MGST1: variants seen among roughly 807,000 people sequenced by gnomAD.
MGST1 encodes microsomal glutathione S-transferase 1.
In MGST1, 5 loss-of-function variants were observed where a neutral mutation model predicts 8.9. That is an observed-to-expected ratio of 0.56 (90% CI 0.29 to 1.19). The LOEUF (loss-of-function observed/expected upper bound fraction) is 1.19. Ranked by LOEUF, MGST1 falls within the 50% of genes most tolerant of loss-of-function variation. MGST1 has a pLI of 0.08. For synonymous variants in MGST1, 54 were observed against 67.8 expected (o/e 0.80, Z 1.00); for missense variants, 182 against 187.4 (o/e 0.97, Z 0.17).
downstream of MGST1, among the ~76,000 whole-genome samples, chr12:16,443,617 T>C (rs1941055856): frequency 6.6e-6 from 1 of 151,920 alleles, no homozygotes; most frequent in African/African-American, 2.4e-5. Flanking sequence ...CTAGTTGTAC[T>C]CCATTAAATA....
chr12:16,426,687 C>T (rs1940891865), intron 1 of MGST1, among the ~76,000 whole-genome samples: 1 of 152,178 alleles, frequency 6.6e-6, no homozygotes, highest in African/African-American at 2.4e-5. Flanking sequence ...GCGCGTGGCT[C>T]ACGCCTGTAA....
intron 4 of MGST1, among the ~76,000 whole-genome samples, chr12:16,572,339 C>CTTTTTTTTTTTTTTTT (rs59773866): frequency 2.2e-5 from 2 of 89,530 alleles, no homozygotes; most frequent in African/African-American, 4.2e-5. Context: ...GGTCCAAACT[C>CTTTTTTTTTTTTTTTT]TTTTTTTTTT....
chr12:16,352,625 A>G (rs556296492), intron 1 of MGST1, among the ~76,000 whole-genome samples: 15 of 152,346 alleles, frequency 9.8e-5, no homozygotes, highest in Non-Finnish European at 1.6e-4. Context: ...TTTTGACTTC[A>G]GTATCACCAG....
At position 16,363,930 on chromosome 12, in the gene MGST1, T is replaced by G; in HGVS notation, c.357T>G (p.Ile119Met). ...LFVGARIYHT[I>M]AYLTPLPQPN... ...TCGGAGCACGGATCTACCACACCAT[T>G]GCATATTTGACACCCCTTCCCCAGC... The change falls in exon 4 of 4, where the codon ATT (isoleucine) becomes ATG (methionine). Residue 119 changes from isoleucine (I) to methionine (M), a missense_variant. Physicochemically the swap from Ile to Met is conservative, Grantham distance 10 (BLOSUM62 1). Transcript: ENST00000396210. This position sits in a 1 kb window ranked among gnomAD's most constrained non-coding sequence, Gnocchi z 4.6. 1 of 1,613,982 alleles carries G rather than the reference T, an allele frequency of 6.2e-7. No individual in the cohort carries two copies. Among genetic ancestry groups the G allele is most frequent in the South Asian group, 1.1e-5 (1 of 91,070 alleles).
intron 4 of MGST1, among the ~76,000 whole-genome samples, chr12:16,570,472 GA>G (rs1456104425): frequency 6.6e-6 from 1 of 151,662 alleles, no homozygotes; most frequent in Non-Finnish European, 1.5e-5. Context: ...GAAAAATAAA[GA>G]AAATGAAAAG....
chr12:16,383,843 C>G (rs972230399), intron 1 of MGST1, among the ~76,000 whole-genome samples: 1 of 152,206 alleles, frequency 6.6e-6, no homozygotes, highest in Non-Finnish European at 1.5e-5. Flanking sequence ...CTGTGTGTGT[C>G]TGCACATGTA....
chr12:16,348,021 A>C (rs909052641), intron 1 of MGST1: 2 of 152,126 alleles, frequency 1.3e-5, no homozygotes, highest in African/African-American at 2.4e-5. Context: ...GGGTCCCTTG[A>C]ACTCTGGGGA....
intron 3 of MGST1, among the ~76,000 whole-genome samples, chr12:16,359,603 C>T (rs368907472): frequency 1.5e-4 from 23 of 151,230 alleles, no homozygotes; most frequent in Non-Finnish European, 2.2e-4. Flanking sequence ...ATGTGTTAGA[C>T]GAAAAAAAAT....
chr12:16,374,068 AT>A (rs1940341449), intron 3 of MGST1, among the ~76,000 whole-genome samples: 1 of 152,094 alleles, frequency 6.6e-6, no homozygotes, highest in African/African-American at 2.4e-5. Flanking sequence ...AGATATGCAG[AT>A]ATCATGATAC....
chr12:16,542,891 G>A (rs1941800873), intron 4 of MGST1, among the ~76,000 whole-genome samples: 1 of 152,172 alleles, frequency 6.6e-6, no homozygotes, highest in African/African-American at 2.4e-5. Context: ...TAGATTAGGG[G>A]TGGTCTCTAT....
At chr12:16,492,070 A>G (rs1437641508) in intron 4 of MGST1, among the ~76,000 whole-genome samples, 1 of 152,214 alleles carries the variant, frequency 6.6e-6, no homozygotes, top group Admixed American at 6.6e-5. Flanking sequence ...TATGAAAAGT[A>G]TAAATATGTA....
chr12:16,527,059 A>G (rs1191885167), intron 4 of MGST1, among the ~76,000 whole-genome samples: 1 of 152,008 alleles, frequency 6.6e-6, no homozygotes, highest in Non-Finnish European at 1.5e-5. Flanking sequence ...TCTAGGTTAC[A>G]GATGAGGGGA....
intron 4 of MGST1, among the ~76,000 whole-genome samples, chr12:16,533,807 C>T (rs1052481826): frequency 6.6e-6 from 1 of 151,990 alleles, no homozygotes; most frequent in East Asian, 1.9e-4. Context: ...GTGTATCTAA[C>T]TCGGGCTTGC....
intron 4 of MGST1, among the ~76,000 whole-genome samples, chr12:16,464,863 C>T (rs766021675): frequency 8.5e-5 from 13 of 152,166 alleles, no homozygotes; most frequent in Non-Finnish European, 1.6e-4. Flanking sequence ...ATACACATAA[C>T]GCCAGGGAAA....
At position 16,445,655 on chromosome 12, in the gene MGST1, C is replaced by T. The variant is rs533226084; in HGVS notation, n.482+62051C>T. ...AAGAATTCATTCGCTATATCAATGC[C>T]TGCATGCCAGGTACCTGAGGTCATT... On this transcript the variant is annotated intron_variant and non_coding_transcript_variant, in intron 4 of 4. Coordinates refer to the MGST1 transcript ENST00000538857. 4.6e-5 allele frequency among the ~76,000 whole-genome samples: 7 copies of T among 152,036 alleles called. No homozygotes were observed. In the East Asian group the frequency reaches 9.8e-4, roughly 21 times the overall value.
intron 4 of MGST1, among the ~76,000 whole-genome samples, chr12:16,519,285 GA>G (rs1288306980): frequency 2.0e-5 from 3 of 152,178 alleles, no homozygotes; most frequent in African/African-American, 7.2e-5. Flanking sequence ...TTTTTATGAA[GA>G]TGTCACAGCC....
chr12:16,374,451 T>G (rs1940348239), intron 3 of MGST1, among the ~76,000 whole-genome samples: 1 of 152,070 alleles, frequency 6.6e-6, no homozygotes, highest in Admixed American at 6.6e-5. Flanking sequence ...AAACAAAATT[T>G]AAACCCACCC....
In MGST1 at chr12:16,360,248, C is replaced by T. The variant is rs986944700; in HGVS notation, c.221+2549C>T. Reference sequence around the variant, plus strand: ...CAGAGAGAGCGTTTCCAGCATCTTCCCTTTCCATTTTTAAGTTAGACTTTT... The same window carrying T: ...CAGAGAGAGCGTTTCCAGCATCTTCTCTTTCCATTTTTAAGTTAGACTTTT... On this transcript the variant is annotated intron_variant, in intron 3 of 3. Coordinates refer to ENST00000396210, the MANE Select transcript of MGST1 (RefSeq NM_020300.5). 3 of 655,712 alleles carry T rather than the reference C, an allele frequency of 4.6e-6. No individual in the cohort carries two copies. In the African/African-American group the frequency reaches 6.5e-5, roughly 14 times the overall value. 40.6% of individuals were successfully genotyped at this position (655,712 alleles called of 1,614,324 possible).
At chr12:16,377,520 C>A (rs1016824099), downstream of MGST1, among the ~76,000 whole-genome samples, 11 of 151,950 alleles carry the variant, frequency 7.2e-5, no homozygotes, top group African/African-American at 2.7e-4. Context: ...TGTATATGTG[C>A]CACATTTTCT....
Sources: gnomAD v4.1 joint callset for allele counts (sites outside exome capture counted in the v4.1 genomes callset) on GRCh38, gnomAD v4.1.1 for gene constraint, Gnocchi (gnomAD v3.1) non-coding constraint, MANE v1.5 for transcripts, NCBI Gene and HGNC (gene_info 2026-07-23, HGNC 2026-07-21) for gene names.